Variants in TDP1 observed in about 807,000 individuals in gnomAD.
TDP1 encodes tyr-DNA phosphodiesterase 1.
In TDP1, 64 loss-of-function variants were observed where a neutral mutation model predicts 81.5. That is an observed-to-expected ratio of 0.79 (90% CI 0.64 to 0.97). The LOEUF is 0.97. Ranked by LOEUF, TDP1 falls within the 50% of genes least tolerant of loss-of-function variation. The pLI, the probability that TDP1 is intolerant of heterozygous loss-of-function variation, is 0.00. For missense variants in TDP1, 723 were observed against 743.8 expected (o/e 0.97, Z 0.33); for synonymous variants, 256 against 264.3 (o/e 0.97, Z 0.30).
chr14:89,984,403 C>T (rs1895329644), intron 8 of TDP1, 113 bp from the exon 9 acceptor site: 2 of 1,597,252 alleles, frequency 1.3e-6, no homozygotes, highest in Non-Finnish European at 1.7e-6. Flanking sequence ...GATTACTTAC[C>T]ATGTGGAGAT....
Position 89,967,396 on chromosome 14 carries a change from C to G in TDP1, c.633C>G (p.Leu211=), listed in dbSNP as rs991871187. ...ACTACTGCTTTGACGTGGACTGGCT[C>G]GTAAAACAGTATCCACCAGAGTTCA... ...QFNYCFDVDW[L]VKQYPPEFRK... is the part of the protein sequence containing the mutation. Residue 211 remains leucine, a synonymous_variant, in exon 5 of 17, where the codon CTC becomes CTG. Coordinates refer to ENST00000335725, the MANE Select transcript of TDP1 (RefSeq NM_018319.4). The G allele has an allele frequency of 2.5e-6, 4 of 1,614,004 alleles. No homozygotes were observed. The highest frequency in any genetic ancestry group is 1.6e-4 in the Middle Eastern group (1 of 6,062).
At chr14:89,959,962 T>C (rs531194565) in intron 2 of TDP1, among the ~76,000 whole-genome samples, 1 of 152,186 alleles carries the variant, frequency 6.6e-6, no homozygotes, top group East Asian at 1.9e-4. Context: ...CTGAATCCTT[T>C]CTCACCAAAA....
chr14:89,989,144 G>T lies in TDP1; in HGVS notation c.1317+54G>T, dbSNP rs1052732287. The stretch of plus-strand genomic sequence containing the variant: ...TACTTTTATTCTCTACACAGGAGAA[G>T]AATTGAAAATTGGTCCTCTTTGTAA... On this transcript the variant is annotated intron_variant, in intron 11 of 16. Coordinates refer to ENST00000335725, the MANE Select transcript of TDP1 (RefSeq NM_018319.4). 2.9e-4 allele frequency: 396 copies of T among 1,361,162 alleles called. 7 individuals are homozygous for T. The South Asian group carries it at 3.7e-3, about 13-fold the overall frequency. The allele number at this position is 1,361,162 out of a possible 1,614,324, so 84.3% of individuals were successfully genotyped here.
chr14:89,955,308 C>T (rs1467738378), upstream of TDP1: 3 of 152,290 alleles, frequency 2.0e-5, no homozygotes, highest in East Asian at 5.8e-4. Flanking sequence ...GTATTTCACT[C>T]AGTCCTCTGG....
intron 5 of TDP1, among the ~76,000 whole-genome samples, 166 bp downstream of exon 5, chr14:89,967,588 T>C (rs1893100320): frequency 6.6e-6 from 1 of 152,256 alleles, no homozygotes; most frequent in South Asian, 2.1e-4. Flanking sequence ...TTCTTTGATC[T>C]ATTTAATCCT....
chr14:89,975,220 C>T lies in TDP1; in HGVS notation c.757-561C>T, dbSNP rs559582511. On this transcript the variant is annotated intron_variant, in intron 6 of 16. Transcript: ENST00000335725. Reference sequence around the variant, plus strand: ...CCTCCTAAGTAGCTGGGACTACAGGCGCTGGCCACCACGCCTGGCAAATTT... The same window carrying T: ...CCTCCTAAGTAGCTGGGACTACAGGTGCTGGCCACCACGCCTGGCAAATTT... Among the ~76,000 whole-genome samples the T allele has an allele frequency of 3.2e-4, 48 of 152,298 alleles. No individual in the cohort carries two copies. The South Asian group carries it at 9.5e-3, about 30-fold the overall frequency.
chr14:89,978,556 C>T lies in TDP1; in HGVS notation c.792-1984C>T, dbSNP rs560369368. 7.2e-5 allele frequency among the ~76,000 whole-genome samples: 11 copies of T among 152,336 alleles called. No individual in the cohort carries two copies. In the South Asian group the frequency reaches 2.3e-3, roughly 32 times the overall value. Reference sequence around the variant, plus strand: ...GCATTCTTCAAGGGAGATCTCATTCCTCACCCTTTTCTATCCATTTTTAAC... The same window carrying T: ...GCATTCTTCAAGGGAGATCTCATTCTTCACCCTTTTCTATCCATTTTTAAC... On this transcript the variant is annotated intron_variant, in intron 7 of 16. Coordinates refer to ENST00000335725, the MANE Select transcript of TDP1 (RefSeq NM_018319.4).
intron 14 of TDP1, among the ~76,000 whole-genome samples, chr14:89,997,364 G>A (rs561033719): frequency 6.6e-5 from 10 of 152,304 alleles, no homozygotes; most frequent in African/African-American, 2.2e-4. Context: ...ACATGGGAGG[G>A]CCCTCAAAGG....
intron 2 of TDP1, chr14:89,958,540 T>C (rs1239999848): frequency 6.6e-6 from 1 of 152,110 alleles, no homozygotes; most frequent in Non-Finnish European, 1.5e-5. Flanking sequence ...GAGTGTGTGC[T>C]CCATGGTTTG....
rs1320830793 is a variant in TDP1, at chr14:89,963,249, G to A, written c.135G>A (p.Arg45=). The A allele has an allele frequency of 6.2e-6, 10 of 1,614,108 alleles. No individual in the cohort carries two copies. Among genetic ancestry groups the A allele is most frequent in the East Asian group, 2.2e-5 (1 of 44,888 alleles). Reference sequence around the variant, plus strand: ...GGCAAGGAGCAGCAAATGAGCCCAGGTACACCTGTTCCGAGGCCCAGAAAG... The same window carrying A: ...GGCAAGGAGCAGCAAATGAGCCCAGATACACCTGTTCCGAGGCCCAGAAAG... ...CARQGAANEP[R]YTCSEAQKAA... is the part of the protein sequence containing the mutation. Residue 45 remains arginine, a synonymous_variant, in exon 3 of 17, where the codon AGG becomes AGA. Coordinates refer to ENST00000335725, the MANE Select transcript of TDP1 (RefSeq NM_018319.4).
rs1187264086 is a variant in TDP1, at chr14:89,999,709, AAG to A, written c.1541+6227_1541+6228del. Among the ~76,000 whole-genome samples the A allele has an allele frequency of 5.9e-3, 906 of 152,362 alleles. 5 individuals carry two copies. Among genetic ancestry groups the A allele is most frequent in the African/African-American group, 0.021 (869 of 41,588 alleles). On this transcript the variant is annotated intron_variant, in intron 14 of 16. Coordinates refer to ENST00000335725, the MANE Select transcript of TDP1 (RefSeq NM_018319.4). ...ATAATCTAGAGCTGCATATCCAAAAAAGTATTATGATCACCCTTTGAAAGTAG... is the reference window on the plus strand; with the variant it reads ...ATAATCTAGAGCTGCATATCCAAAAATATTATGATCACCCTTTGAAAGTAG...
At chr14:89,957,840 G>T (rs1052180002) in intron 2 of TDP1, among the ~76,000 whole-genome samples, 27 of 152,210 alleles carry the variant, frequency 1.8e-4, no homozygotes, top group African/African-American at 6.3e-4. Context: ...CATGACACAG[G>T]ATTTATTTCA....
intron 6 of TDP1, among the ~76,000 whole-genome samples, chr14:89,972,412 T>A (rs188031591): frequency 1.4e-3 from 213 of 152,278 alleles, no homozygotes; most frequent in Non-Finnish European, 2.6e-3. Flanking sequence ...AGGCCCCTCC[T>A]CCAACATTGG....
intron 14 of TDP1, among the ~76,000 whole-genome samples, chr14:89,999,595 A>G (rs1161990098): frequency 6.6e-6 from 1 of 152,244 alleles, no homozygotes; most frequent in African/African-American, 2.4e-5. Context: ...AATTAAAACA[A>G]ATTCCCCAGA....
At chr14:89,967,481 G>C in intron 5 of TDP1, 59 bp downstream of exon 5, 1 of 1,429,250 alleles carries the variant, frequency 7.0e-7, no homozygotes, top group Non-Finnish European at 9.9e-7. Flanking sequence ...TGACACCTAA[G>C]ATTTGTATTT....
At chr14:90,019,109 C>T (rs1885661388) in intron 14 of TDP1, 2 of 981,176 alleles carry the variant, frequency 2.0e-6, no homozygotes, top group Non-Finnish European at 2.4e-6. Context: ...GTGAAACTAT[C>T]CCAAATTAGC....
At chr14:89,990,429 G>C (rs768002028) in intron 12 of TDP1, among the ~76,000 whole-genome samples, 2 of 151,918 alleles carry the variant, frequency 1.3e-5, no homozygotes, top group Non-Finnish European at 2.9e-5. Context: ...ATTGGCATTT[G>C]TTGATGGCTG....
At chr14:89,980,708 T>C in intron 8 of TDP1, 76 bp downstream of exon 8, 1 of 1,190,160 alleles carries the variant, frequency 8.4e-7, no homozygotes, top group Non-Finnish European at 1.2e-6. Context: ...CACTTTATTC[T>C]TTTTTCTATT....
At chr14:89,977,884 C>T (rs954355904) in intron 7 of TDP1, among the ~76,000 whole-genome samples, 1 of 151,278 alleles carries the variant, frequency 6.6e-6, no homozygotes, top group South Asian at 2.1e-4. Context: ...CATGCAATCC[C>T]GTGGTCTGTC....
Sources: allele counts gnomAD v4.1 joint callset (sites outside exome capture counted in the v4.1 genomes callset), GRCh38; gene constraint gnomAD v4.1.1; transcripts MANE v1.5; gene names NCBI Gene and HGNC (gene_info 2026-07-23, HGNC 2026-07-21).